CLUAP1: variants seen among roughly 807,000 people sequenced by gnomAD.
CLUAP1 encodes intraflagellar transport 38, also known as clusterin-associated protein 1.
Under a neutral mutation model 55.0 loss-of-function variants are expected in CLUAP1, and 50 were observed. The ratio of observed to expected loss-of-function variants is 0.91; its 90% CI spans 0.72 to 1.15. CLUAP1 has a LOEUF of 1.15. Ranked by LOEUF, CLUAP1 falls within the 50% of genes most tolerant of loss-of-function variation. The pLI, the probability that CLUAP1 is intolerant of heterozygous loss-of-function variation, is 0.00. For missense variants in CLUAP1, 530 were observed against 507.6 expected (o/e 1.04, Z -0.42); for synonymous variants, 195 against 175.4 (o/e 1.11, Z -0.88).
Position 3,536,050 on chromosome 16 carries a change from CAG to C in CLUAP1, c.1093-67_1093-66del. 4 of 1,553,740 alleles carry C rather than the reference CAG, an allele frequency of 2.6e-6. No individual in the cohort carries two copies. In the South Asian group the frequency reaches 3.6e-5, roughly 14 times the overall value. ...AGGGATGCTGCTATAGAAAGGGAGG[CAG>C]AGAGTCTTAGGACAAGATGTCAGGA... On this transcript the variant is annotated intron_variant, in intron 11 of 11. Transcript: ENST00000576634.
At position 3,506,432 on chromosome 16, in the gene CLUAP1, T is replaced by A. The variant is rs2151042923; in HGVS notation, c.219+17T>A. On this transcript the variant is annotated intron_variant, in intron 3 of 11. Transcript: ENST00000576634. The stretch of plus-strand genomic sequence containing the variant: ...CAGTTCATGGTTAGTGGACACTTAT[T>A]TTGTGGAGTTGTAAAATTAAATAAA... The A allele has an allele frequency of 6.3e-7, 1 of 1,585,728 alleles. No homozygotes were observed. The highest frequency in any genetic ancestry group is 8.7e-7 in the Non-Finnish European group (1 of 1,154,234).
At chr16:3,500,958 C>A, upstream of CLUAP1, 1 of 1,165,990 alleles carries the variant, frequency 8.6e-7, no homozygotes, top group Non-Finnish European at 1.2e-6. Flanking sequence ...TGTCCCTGAC[C>A]GTGCGCCGTC....
At chr16:3,506,517 C>T in intron 3 of CLUAP1, 102 bp downstream of exon 3, 2 of 953,628 alleles carry the variant, frequency 2.1e-6, no homozygotes, top group Non-Finnish European at 3.3e-6. Flanking sequence ...GTTTTTCTTT[C>T]TTTTTTTTTG....
intron 5 of CLUAP1, 176 bp from the exon 6 acceptor site, chr16:3,515,332 G>A (rs2037709708): frequency 1.2e-5 from 6 of 509,440 alleles, no homozygotes; most frequent in Non-Finnish European, 2.0e-5. Context: ...AGCTGGGTAG[G>A]CACTCAGATA....
chr16:3,531,201 G>A (rs763478059), intron 10 of CLUAP1, among the ~76,000 whole-genome samples: 22 of 151,984 alleles, frequency 1.4e-4, no homozygotes, highest in Admixed American at 6.6e-4. Flanking sequence ...ACTGCATTCC[G>A]GCCCGGGCAA....
chr16:3,512,551 C>A (rs2037650224), intron 5 of CLUAP1, 73 bp downstream of exon 5: 1 of 1,163,892 alleles, frequency 8.6e-7, no homozygotes, highest in Non-Finnish European at 1.3e-6. Flanking sequence ...CTGTTTCTCC[C>A]TTTTCAGTTC....
intron 11 of CLUAP1, 115 bp from the exon 12 acceptor site, chr16:3,536,007 C>A: frequency 7.8e-7 from 1 of 1,284,250 alleles, no homozygotes; most frequent in Non-Finnish European, 1.1e-6. Flanking sequence ...GCCACTCTGC[C>A]AGCCTCTTCC....
chr16:3,504,972 G>A, intron 2 of CLUAP1, 141 bp downstream of exon 2: 1 of 642,772 alleles, frequency 1.6e-6, no homozygotes, highest in South Asian at 1.8e-5. Flanking sequence ...CTGTTACAAA[G>A]GAGTTGTGGC....
chr16:3,500,389 G>A, upstream of CLUAP1, among the ~76,000 whole-genome samples: 1 of 58,632 alleles, frequency 1.7e-5, no homozygotes, highest in South Asian at 5.5e-4. Context: ...TTTTTTTTTT[G>A]AGACAGAGTC....
chr16:3,500,762 C>A (rs936587453), upstream of CLUAP1, among the ~76,000 whole-genome samples: 1 of 152,226 alleles, frequency 6.6e-6, no homozygotes, highest in Admixed American at 6.5e-5. Context: ...GTACTCAGAA[C>A]CTGTCACCCA....
chr16:3,513,923 G>C (rs985754841), intron 5 of CLUAP1, among the ~76,000 whole-genome samples: 3 of 152,230 alleles, frequency 2.0e-5, no homozygotes, highest in Non-Finnish European at 2.9e-5. Flanking sequence ...TACCCTGGGA[G>C]CAAACTGGAA....
upstream of CLUAP1, among the ~76,000 whole-genome samples, chr16:3,500,692 G>C (rs1466061750): frequency 6.6e-6 from 1 of 152,080 alleles, no homozygotes; most frequent in Non-Finnish European, 1.5e-5. Flanking sequence ...ATTCTTTATA[G>C]AAATGAGGGG....
At chr16:3,500,921 C>T (rs981825625), upstream of CLUAP1, 23 of 843,722 alleles carry the variant, frequency 2.7e-5, no homozygotes, top group Non-Finnish European at 3.9e-5. Flanking sequence ...ATGCACGTGC[C>T]GCCGCGTCTT....
At chr16:3,523,327 C>T in intron 8 of CLUAP1, 28 bp downstream of exon 8, 1 of 1,589,392 alleles carries the variant, frequency 6.3e-7, no homozygotes, top group Non-Finnish European at 8.5e-7. Flanking sequence ...TCTGTTCAGC[C>T]ATTCCTTCTG....
chr16:3,511,578 T>C (rs2037625638), intron 4 of CLUAP1, among the ~76,000 whole-genome samples: 2 of 152,148 alleles, frequency 1.3e-5, no homozygotes, highest in Admixed American at 6.5e-5. Flanking sequence ...AGGATGTGTG[T>C]CCCTCAGGCT....
chr16:3,525,777 G>A (rs543101193), intron 8 of CLUAP1, among the ~76,000 whole-genome samples: 2 of 152,226 alleles, frequency 1.3e-5, no homozygotes, highest in South Asian at 4.2e-4. Context: ...ATGTTGCCCA[G>A]GCTGGTCTCA....
At chr16:3,533,301 C>T in intron 11 of CLUAP1, 6 of 663,402 alleles carry the variant, frequency 9.0e-6, no homozygotes, top group Non-Finnish European at 1.3e-5. Context: ...AGCGGGATCA[C>T]TGAAGGCCCC....
upstream of CLUAP1, chr16:3,496,407 G>C (rs2037310565): frequency 9.0e-7 from 1 of 1,107,856 alleles, no homozygotes. Context: ...CGGATGATCC[G>C]GAAGATGAAG....
At chr16:3,499,955 A>G (rs1312280065), upstream of CLUAP1, among the ~76,000 whole-genome samples, 1 of 152,258 alleles carries the variant, frequency 6.6e-6, no homozygotes, top group East Asian at 1.9e-4. Flanking sequence ...GGCATAAGGA[A>G]GCCCCCTCTG....
Sources: gnomAD v4.1 joint callset for allele counts (sites outside exome capture counted in the v4.1 genomes callset) on GRCh38, gnomAD v4.1.1 for gene constraint, MANE v1.5 for transcripts, NCBI Gene and HGNC (gene_info 2026-07-23, HGNC 2026-07-21) for gene names.